The following PRKDC variants were observed in gnomAD, a reference collection of about 807,000 sequenced individuals.
The protein encoded by PRKDC is DNA-dependent protein kinase catalytic subunit.
In PRKDC, 82 loss-of-function variants were observed where a neutral mutation model predicts 486.9. The ratio of observed to expected loss-of-function variants is 0.17; its 90% confidence interval spans 0.14 to 0.20. The LOEUF (loss-of-function observed/expected upper bound fraction) is 0.20, where lower values mean the gene tolerates loss of function less well. Among genes scored for constraint, PRKDC ranks in the 10% least tolerant of loss-of-function variants. PRKDC has a pLI of 1.00. For synonymous variants in PRKDC, 1,895 were observed against 1,837.0 expected, an observed-to-expected ratio of 1.03 and a Z score of -0.81; for missense variants, 4,504 against 5,038.2, an observed-to-expected ratio of 0.89 and a Z score of 3.21.
At chr8:47,919,837 C>T (rs901900676) in intron 21 of PRKDC, among the ~76,000 whole-genome samples, 6 of 151,528 alleles carry the variant, frequency 4.0e-5, no homozygotes, top group African/African-American at 1.5e-4. Context: ...GGGGAACAGG[C>T]CCCCAAATCT....
Position 47,834,240 on chromosome 8 carries a change from T to C in PRKDC, c.8108A>G (p.Lys2703Arg), listed in dbSNP as rs764836043. The change falls in exon 59 of 86, where the codon AAA becomes AGA. Residue 2703 changes from lysine (K) to arginine (R), a missense_variant. By Grantham distance (26) the Lys-to-Arg change is conservative. Coordinates refer to ENST00000314191, the MANE Select transcript of PRKDC (RefSeq NM_006904.7). ...CTCGTCCCCTGGAAGGCCCAGCCTT[T>C]TTTTCCCAAAATCAGGCCCCACTGA... ...LKSVGPDFGK[K>R]RLGLPGDEVD... The C allele has an allele frequency of 6.2e-7, 1 of 1,613,996 alleles. No individual in the cohort carries two copies. Among genetic ancestry groups the C allele is most frequent in the East Asian group, 2.2e-5 (1 of 44,886 alleles).
At chr8:47,919,723 G>GTTT (rs200600818) in intron 21 of PRKDC, among the ~76,000 whole-genome samples, 2 of 127,038 alleles carry the variant, frequency 1.6e-5, no homozygotes, top group Non-Finnish European at 3.4e-5. Context: ...GTTTTTAGTG[G>GTTT]TTTTTTTTTT....
At chr8:47,894,583 C>T (rs561168540) in intron 30 of PRKDC, among the ~76,000 whole-genome samples, 4 of 152,266 alleles carry the variant, frequency 2.6e-5, no homozygotes, top group African/African-American at 9.6e-5. Flanking sequence ...CCACCGAGGA[C>T]CTGCTGTCTG....
chr8:47,938,672 C>T (rs543949455), intron 11 of PRKDC, among the ~76,000 whole-genome samples: 2 of 152,226 alleles, frequency 1.3e-5, no homozygotes, highest in East Asian at 3.9e-4. Context: ...AGAGATTCTC[C>T]TGCCTCAGCC....
intron 46 of PRKDC, 112 bp downstream of exon 46, chr8:47,859,499 G>A: frequency 8.1e-7 from 1 of 1,241,474 alleles, no homozygotes; most frequent in Non-Finnish European, 1.1e-6. Context: ...TATACTCCGA[G>A]GGTTGTCAAT....
intron 27 of PRKDC, among the ~76,000 whole-genome samples, chr8:47,900,913 A>G (rs1323983666): frequency 2.6e-5 from 4 of 151,436 alleles, no homozygotes; most frequent in African/African-American, 9.7e-5. Context: ...GTGGTGGTGC[A>G]TGCCTATAAA....
Position 47,785,126 on chromosome 8 carries a change from C to A in PRKDC, c.11094G>T (p.Glu3698Asp), listed in dbSNP as rs768831970. 1 of 1,614,014 alleles carries A rather than the reference C, an allele frequency of 6.2e-7. No homozygotes were observed. The change falls in exon 77 of 86, where the codon GAG (glutamate) becomes GAT (aspartate). Residue 3698 changes from glutamate (E) to aspartate (D), a missense_variant. Around this residue, in one of 6 missense-constraint regions of PRKDC, gnomAD observed 706 missense variants for 945.0 expected, o/e 0.75. Coordinates refer to ENST00000314191, the MANE Select transcript of PRKDC (RefSeq NM_006904.7). ...AGGTTAACTCACCGGGAATCTCCAG[C>A]TCATTTCTCAGGAACTCCACTTTGA... is the stretch of plus-strand genomic sequence containing the variant. Reference protein sequence around the residue: ...SDFKVEFLRNELEIPGQYDGR... With the variant: ...SDFKVEFLRNDLEIPGQYDGR...
chr8:47,778,903 C>G, intron 81 of PRKDC, 101 bp downstream of exon 81: 1 of 1,449,116 alleles, frequency 6.9e-7, no homozygotes, highest in Non-Finnish European at 9.4e-7. Context: ...ATCGAATAAT[C>G]TTGATGATCT....
intron 68 of PRKDC, among the ~76,000 whole-genome samples, chr8:47,812,895 A>G (rs930117741): frequency 5.9e-5 from 9 of 152,144 alleles, no homozygotes; most frequent in African/African-American, 2.2e-4. Context: ...GGAATGAAAA[A>G]GGGGGTTCCC....
intron 68 of PRKDC, 110 bp from the exon 69 acceptor site, chr8:47,807,436 T>G (rs1589710270): frequency 2.1e-6 from 2 of 950,972 alleles, no homozygotes; most frequent in East Asian, 2.6e-5. Context: ...CTTTTTTTTT[T>G]GAGATGGAGT....
chr8:47,943,164 G>A lies in PRKDC; in HGVS notation c.966+45C>T, dbSNP rs1318607110. 2.5e-6 allele frequency: 4 copies of A among 1,584,282 alleles called. No homozygotes were observed. The African/African-American group carries it at 4.1e-5, about 16-fold the overall frequency. ...ATGCATGCAAAGGGAATTTAATTCT[G>A]TGTGTGAAAGAAATATTGTTAAATG... is the stretch of plus-strand genomic sequence containing the variant. On this transcript the variant is annotated intron_variant, in intron 10 of 85. Coordinates refer to ENST00000314191, the MANE Select transcript of PRKDC (RefSeq NM_006904.7).
chr8:47,877,155 C>T (rs2089107906), intron 40 of PRKDC, among the ~76,000 whole-genome samples: 1 of 152,162 alleles, frequency 6.6e-6, no homozygotes, highest in Non-Finnish European at 1.5e-5. Context: ...GGACAAGTGT[C>T]CAAGTATCTC....
intron 11 of PRKDC, 120 bp downstream of exon 11, chr8:47,939,431 T>C: frequency 8.7e-7 from 1 of 1,148,292 alleles, no homozygotes; most frequent in Non-Finnish European, 1.2e-6. Context: ...CACGCCCATG[T>C]TATTCAAGGG....
At chr8:47,816,556 A>C (rs1454342402) in intron 68 of PRKDC, among the ~76,000 whole-genome samples, 1 of 152,222 alleles carries the variant, frequency 6.6e-6, no homozygotes, top group Non-Finnish European at 1.5e-5. Flanking sequence ...ACTGAACAGT[A>C]GTTACATAAA....
chr8:47,913,774 A>T (rs1589788123), intron 24 of PRKDC, 127 bp downstream of exon 24: 2 of 762,726 alleles, frequency 2.6e-6, no homozygotes, highest in African/African-American at 1.8e-5. Flanking sequence ...TTTTCTAATT[A>T]CTATATTACA....
At chr8:47,797,374 C>T (rs1012843674) in intron 73 of PRKDC, among the ~76,000 whole-genome samples, 2 of 152,170 alleles carry the variant, frequency 1.3e-5, no homozygotes, top group African/African-American at 4.8e-5. Context: ...TCTGAATTTA[C>T]CTTAACCTGT....
At position 47,915,406 on chromosome 8, in the gene PRKDC, A is replaced by C. The variant is rs1446660831; in HGVS notation, c.2539T>G (p.Ser847Ala). 5 of 1,544,568 alleles carry C rather than the reference A, an allele frequency of 3.2e-6. No individual in the cohort carries two copies. Among genetic ancestry groups the C allele is most frequent in the Non-Finnish European group, 4.4e-6 (5 of 1,135,432 alleles). The change falls in exon 23 of 86, where the codon TCC becomes GCC. Residue 847 changes from serine (S) to alanine (A), a missense_variant. Coordinates refer to ENST00000314191, the MANE Select transcript of PRKDC (RefSeq NM_006904.7). ...ACTCTAATTCTTATTTCTTCTAAGG[A>C]TATTGCTTCGTTCTGTAAATTTGAA... ...TKNLSSNEAI[S>A]LEEIRIRVVQ...
At chr8:47,893,419 A>G (rs1237556862) in intron 30 of PRKDC, 32 bp from the exon 31 acceptor site, 2 of 1,441,410 alleles carry the variant, frequency 1.4e-6, no homozygotes, top group Non-Finnish European at 1.8e-6. Context: ...AAATGCACAC[A>G]TATACCTACA....
intron 54 of PRKDC, among the ~76,000 whole-genome samples, chr8:47,845,793 C>T (rs2088250213): frequency 6.6e-6 from 1 of 151,944 alleles, no homozygotes; most frequent in Non-Finnish European, 1.5e-5. Flanking sequence ...AACTATTTCA[C>T]AAAACCAAGG....
Sources: gnomAD v4.1 joint callset for allele counts (sites outside exome capture counted in the v4.1 genomes callset) on GRCh38, gnomAD v4.1.1 for gene constraint, gnomAD v4.1.1 regional missense constraint, MANE v1.5 for transcripts, NCBI Gene and HGNC (gene_info 2026-07-23, HGNC 2026-07-21) for gene names.